SYK: variants seen among roughly 807,000 people sequenced by gnomAD.
SYK encodes the protein spleen associated tyrosine kinase, also known as tyrosine-protein kinase SYK.
In SYK, 16 loss-of-function variants were observed where a neutral mutation model predicts 77.8. The ratio of observed to expected loss-of-function variants is 0.21; its 90% CI spans 0.14 to 0.31. The LOEUF is 0.31. SYK is among the 10% of genes least tolerant of loss of function. SYK has a pLI of 1.00. For synonymous variants in SYK, 312 were observed against 308.7 expected (o/e 1.01, Z -0.11); for missense variants, 529 against 814.4 (o/e 0.65, Z 4.26).
intron 1 of SYK, among the ~76,000 whole-genome samples, chr9:90,825,815 A>G (rs1016513138): frequency 6.6e-6 from 1 of 152,208 alleles, no homozygotes; most frequent in Non-Finnish European, 1.5e-5. Context: ...CTGAGACGTG[A>G]GATGGGAGGG....
At chr9:90,849,320 TCTC>T (rs1161438697) in intron 3 of SYK, among the ~76,000 whole-genome samples, 3 of 152,146 alleles carry the variant, frequency 2.0e-5, no homozygotes, top group Non-Finnish European at 4.4e-5. Flanking sequence ...TCCGCTCTGA[TCTC>T]CTGTCCACCC....
Position 90,862,265 on chromosome 9 carries a change from T to C in SYK, c.638T>C (p.Val213Ala). The part of the protein sequence containing the change: ...YALCLLHEGK[V>A]LHYRIDKDKT... Reference sequence around the variant, plus strand: ...CTGTGCCTGCTGCACGAAGGGAAGGTGCTGCACTATCGCATCGACAAAGAC... The same window carrying C: ...CTGTGCCTGCTGCACGAAGGGAAGGCGCTGCACTATCGCATCGACAAAGAC... Residue 213 changes from valine to alanine, a missense_variant, in exon 4 of 14, where the codon GTG becomes GCG. Val to Ala is a moderately conservative substitution (Grantham distance 64). Transcript: ENST00000375754. The C allele has an allele frequency of 6.2e-7, 1 of 1,614,062 alleles. No homozygotes were observed. Among genetic ancestry groups the C allele is most frequent in the Non-Finnish European group, 8.5e-7 (1 of 1,179,980 alleles).
chr9:90,828,242 C>CA (rs1554706456), intron 1 of SYK, among the ~76,000 whole-genome samples: 7 of 110,988 alleles, frequency 6.3e-5, no homozygotes, highest in Non-Finnish European at 9.9e-5. Flanking sequence ...CCCGCCCCCC[C>CA]CCCCGCCCCG....
intron 3 of SYK, among the ~76,000 whole-genome samples, chr9:90,846,918 A>G (rs1038873414): frequency 2.6e-5 from 4 of 152,240 alleles, no homozygotes; most frequent in Non-Finnish European, 5.9e-5. Flanking sequence ...TCATGGGACC[A>G]TGCACATAGC....
At chr9:90,840,127 C>T (rs1162798309) in intron 1 of SYK, among the ~76,000 whole-genome samples, 2 of 152,144 alleles carry the variant, frequency 1.3e-5, no homozygotes, top group African/African-American at 2.4e-5. Context: ...GCCTGGAAAA[C>T]GAACCTTAGA....
chr9:90,882,665 C>T (rs747462178), intron 11 of SYK, among the ~76,000 whole-genome samples: 22 of 152,164 alleles, frequency 1.4e-4, no homozygotes, highest in Admixed American at 2.6e-4. Context: ...TCAAGATGGA[C>T]GACTAAATGC....
intron 3 of SYK, among the ~76,000 whole-genome samples, chr9:90,858,522 C>G (rs1002830273): frequency 2.6e-5 from 4 of 152,364 alleles, no homozygotes; most frequent in Admixed American, 1.3e-4. Flanking sequence ...GAGCCAGGAG[C>G]CTTGCCTGTG....
At position 90,864,582 on chromosome 9, in the gene SYK, C is replaced by G. The variant is rs200793174; in HGVS notation, c.718-7C>G. The G allele has an allele frequency of 1.9e-6, 3 of 1,613,036 alleles. No individual in the cohort carries two copies. The highest frequency in any genetic ancestry group is 2.5e-6 in the Non-Finnish European group (3 of 1,179,380). ...ATTTACCACTTTCTTACTTTTTTCT[C>G]TTTCAGCTAGTCGAGCATTATTCTT... On this transcript the variant is annotated splice_polypyrimidine_tract_variant and splice_region_variant and intron_variant, in intron 4 of 13. Coordinates refer to ENST00000375754, the MANE Select transcript of SYK (RefSeq NM_003177.7).
chr9:90,873,495 C>A (rs1827810260), intron 7 of SYK, among the ~76,000 whole-genome samples: 2 of 151,940 alleles, frequency 1.3e-5, no homozygotes, highest in Admixed American at 6.6e-5. Flanking sequence ...AGTAGATTTC[C>A]CCCCCCAGTT....
At position 90,860,540 on chromosome 9, in the gene SYK, G is replaced by A. The variant is rs146573289; in HGVS notation, c.579-1666G>A. Among the ~76,000 whole-genome samples the A allele has an allele frequency of 3.7e-3, 565 of 152,238 alleles. 3 individuals are homozygous for A. The highest frequency in any genetic ancestry group is 4.7e-3 in the Non-Finnish European group (317 of 68,002). ...CTCACACCTTGGGCGCTGGCAACTC[G>A]GTTGGTTTGGGAAGAAGAGGTTGTT... is the stretch of plus-strand genomic sequence containing the variant. On this transcript the variant is annotated intron_variant, in intron 3 of 13. Transcript: ENST00000375754.
chr9:90,851,696 A>C (rs1035082514), intron 3 of SYK, among the ~76,000 whole-genome samples: 6 of 152,212 alleles, frequency 3.9e-5, no homozygotes, highest in African/African-American at 1.4e-4. Flanking sequence ...CTTGTATAGC[A>C]GCACAGTTTG....
Position 90,812,772 on chromosome 9 carries a change from TGTGTGTGA to T in SYK, c.-42+10881_-42+10888del, listed in dbSNP as rs937947383. On this transcript the variant is annotated intron_variant, in intron 1 of 13. Transcript: ENST00000375754. The stretch of plus-strand genomic sequence containing the variant: ...GTGTGTGTGTGTGTGTGTGTGTGTG[TGTGTGTGA>T]GAGAGAGAGATTGAGAGAGAGAGGG... Among the ~76,000 whole-genome samples, 4 of 89,976 alleles carry T rather than the reference TGTGTGTGA, an allele frequency of 4.4e-5. 1 individual carries two copies. Among genetic ancestry groups the T allele is most frequent in the African/African-American group, 1.3e-4 (4 of 31,332 alleles). The allele number at this position is 89,976 out of a possible 152,430, so 59.0% of individuals were successfully genotyped here. A position where few individuals can be genotyped will look rare whatever the true frequency, so the allele number is the denominator to read the frequency against.
intron 3 of SYK, among the ~76,000 whole-genome samples, chr9:90,856,992 G>C (rs1827061093): frequency 6.6e-6 from 1 of 152,238 alleles, no homozygotes; most frequent in South Asian, 2.1e-4. Context: ...TTCTGTCCCT[G>C]TCCACAGCTG....
chr9:90,870,226 G>C (rs1827678095), intron 7 of SYK, among the ~76,000 whole-genome samples: 1 of 152,146 alleles, frequency 6.6e-6, no homozygotes, highest in Non-Finnish European at 1.5e-5. Flanking sequence ...ATTAGTCCTG[G>C]AATTTCTTTC....
At chr9:90,805,858 T>A (rs528260499) in intron 1 of SYK, among the ~76,000 whole-genome samples, 23 of 152,386 alleles carry the variant, frequency 1.5e-4, no homozygotes, top group African/African-American at 5.5e-4. Context: ...GAATTCTCAC[T>A]ATTTCCTTAT....
chr9:90,837,927 C>T (rs950085245), intron 1 of SYK, among the ~76,000 whole-genome samples: 1 of 152,232 alleles, frequency 6.6e-6, no homozygotes, highest in African/African-American at 2.4e-5. Flanking sequence ...GTGGCCAATG[C>T]TTCTGGTAGA....
At chr9:90,810,185 C>T (rs1322696512) in intron 1 of SYK, among the ~76,000 whole-genome samples, 5 of 152,208 alleles carry the variant, frequency 3.3e-5, no homozygotes, top group East Asian at 1.9e-4. Context: ...CCCAATGTGT[C>T]GCCTCCCAAC....
At chr9:90,866,115 G>T (rs1266283147) in intron 6 of SYK, among the ~76,000 whole-genome samples, 1 of 152,028 alleles carries the variant, frequency 6.6e-6, no homozygotes, top group Non-Finnish European at 1.5e-5. Flanking sequence ...TAGCCAGGAT[G>T]GTCTCGATCT....
intron 11 of SYK, among the ~76,000 whole-genome samples, chr9:90,886,072 A>C (rs72729081): frequency 0.057 from 8,608 of 152,306 alleles, 286 homozygotes; most frequent in South Asian, 0.16. Flanking sequence ...AATATTTACC[A>C]TCATAAAAAC....
Sources: gnomAD v4.1 joint callset for allele counts (sites outside exome capture counted in the v4.1 genomes callset) on GRCh38, gnomAD v4.1.1 for gene constraint, MANE v1.5 for transcripts, NCBI Gene and HGNC (gene_info 2026-07-23, HGNC 2026-07-21) for gene names.